CCDC69: variants seen among roughly 807,000 people sequenced by gnomAD.
The protein encoded by CCDC69 is coiled-coil domain-containing protein 69.
A neutral mutation model predicts 40.3 loss-of-function variants in CCDC69; 38 were observed. The ratio of observed to expected loss-of-function variants is 0.94; its 90% CI spans 0.73 to 1.24. The LOEUF is 1.24. CCDC69 is among the 50% of genes most tolerant of loss of function. The pLI, the probability that CCDC69 is intolerant of heterozygous loss-of-function variation, is 0.00. For missense variants in CCDC69, 389 were observed against 357.9 expected (o/e 1.09, Z -0.70); for synonymous variants, 141 against 138.9 (o/e 1.02, Z -0.11).
chr5:151,206,734 G>C (rs1401730208), intron 1 of CCDC69, among the ~76,000 whole-genome samples: 3 of 151,620 alleles, frequency 2.0e-5, no homozygotes, highest in African/African-American at 7.3e-5. Flanking sequence ...GGGTTCAAGT[G>C]ATTCTCCTGC....
At chr5:151,199,550 A>C (rs1582044216) in intron 3 of CCDC69, among the ~76,000 whole-genome samples, 1 of 151,352 alleles carries the variant, frequency 6.6e-6, no homozygotes, top group African/African-American at 2.4e-5. Flanking sequence ...CCCAGGCTGA[A>C]CCCTCCCAGC....
intron 8 of CCDC69, 74 bp from the exon 9 acceptor site, chr5:151,183,688 A>C: frequency 7.2e-7 from 1 of 1,386,812 alleles, no homozygotes; most frequent in South Asian, 1.4e-5. Flanking sequence ...TCCCCCAGGA[A>C]GCCTTCCTTA....
rs746721762 is a variant in CCDC69, at chr5:151,186,026, GA to G, written c.491del (p.Ile164ThrfsTer24). 2.5e-6 allele frequency: 4 copies of G among 1,612,304 alleles called. No individual in the cohort carries two copies. The highest frequency in any genetic ancestry group is 3.4e-6 in the Non-Finnish European group (4 of 1,178,428). ...SILSRNYKKH[I>X]QDYGSPSQFW... ...CGCCCAGGGTGCTGCCACCTACCTG[GA>G]TATGTTTCTTATAGTTTCGGCTCAG... is the stretch of plus-strand genomic sequence containing the variant. On this transcript the variant is annotated frameshift_variant, in exon 6 of 9. Transcript: ENST00000355417. LOFTEE classifies it high-confidence loss of function.
chr5:151,217,264 C>G (rs965080088), intron 1 of CCDC69, among the ~76,000 whole-genome samples: 4 of 152,192 alleles, frequency 2.6e-5, no homozygotes, highest in African/African-American at 9.7e-5. Flanking sequence ...CTTTCCTCTA[C>G]AGATGCAGCT....
chr5:151,193,410 G>A (rs1000618129), intron 4 of CCDC69, among the ~76,000 whole-genome samples: 1 of 151,834 alleles, frequency 6.6e-6, no homozygotes, highest in African/African-American at 2.4e-5. Context: ...CAACTACTTG[G>A]GAGGCTGTAG....
chr5:151,211,774 T>G (rs1752954337), intron 1 of CCDC69, among the ~76,000 whole-genome samples: 1 of 152,084 alleles, frequency 6.6e-6, no homozygotes, highest in South Asian at 2.1e-4. Context: ...TCCACCCACC[T>G]CAGCCTCCCA....
intron 8 of CCDC69, 114 bp downstream of exon 8, chr5:151,184,230 T>C (rs962391745): frequency 2.7e-6 from 2 of 747,590 alleles, no homozygotes; most frequent in Non-Finnish European, 4.6e-6. Flanking sequence ...ATTCCCTAAA[T>C]AGGCCCTGGG....
At chr5:151,202,053 TTTTTTAAAAAATTAG>T (rs1375908651) in intron 2 of CCDC69, among the ~76,000 whole-genome samples, 2 of 152,098 alleles carry the variant, frequency 1.3e-5, no homozygotes, top group African/African-American at 4.8e-5. Flanking sequence ...TTCTACCCCA[TTTTTTAAAAAATTAG>T]TCGCTGGCCA....
At chr5:151,189,325 A>G (rs1370251908) in intron 4 of CCDC69, among the ~76,000 whole-genome samples, 1 of 152,116 alleles carries the variant, frequency 6.6e-6, no homozygotes, top group Non-Finnish European at 1.5e-5. Context: ...AGAACTAAAA[A>G]GTATAATAAG....
intron 1 of CCDC69, among the ~76,000 whole-genome samples, chr5:151,210,276 G>A (rs1752915049): frequency 6.6e-6 from 1 of 152,196 alleles, no homozygotes; most frequent in Admixed American, 6.5e-5. Context: ...AGGTGCGGTG[G>A]CTCATGCCTA....
chr5:151,183,181 A>G lies in CCDC69; in HGVS notation c.*256T>C. 1 of 634,942 alleles carries G rather than the reference A, an allele frequency of 1.6e-6. No homozygotes were observed. The highest frequency in any genetic ancestry group is 1.5e-5 in the South Asian group (1 of 66,134). The allele number at this position is 634,942 out of a possible 1,614,324, so 39.3% of individuals were successfully genotyped here. On this transcript the variant is annotated 3_prime_UTR_variant, in exon 9 of 9. Coordinates refer to ENST00000355417, the MANE Select transcript of CCDC69 (RefSeq NM_015621.3). ...TCGGATTGGGACAGAGTGCTGGGGC[A>G]GGGAGGAAATGTCTCCTCTTGCTTA...
intron 3 of CCDC69, 26 bp from the exon 4 acceptor site, chr5:151,199,110 A>C (rs775585576): frequency 1.3e-6 from 2 of 1,585,344 alleles, no homozygotes; most frequent in Non-Finnish European, 1.7e-6. Flanking sequence ...CCCGGGCAGG[A>C]CTGAGATTGA....
At chr5:151,184,213 G>A in intron 8 of CCDC69, 131 bp downstream of exon 8, 1 of 670,572 alleles carries the variant, frequency 1.5e-6, no homozygotes, top group East Asian at 2.6e-5. Flanking sequence ...AGGGAAAGAG[G>A]AGCCACATTC....
intron 1 of CCDC69, among the ~76,000 whole-genome samples, chr5:151,216,084 C>T (rs557792978): frequency 1.3e-5 from 2 of 152,012 alleles, no homozygotes; most frequent in African/African-American, 4.8e-5. Flanking sequence ...TCAGCCTCCC[C>T]AGTAACTGGG....
intron 3 of CCDC69, among the ~76,000 whole-genome samples, chr5:151,199,330 G>T (rs115962007): frequency 0.012 from 1,786 of 152,224 alleles, 35 homozygotes; most frequent in African/African-American, 0.042. Context: ...GGATTTAGGA[G>T]TATTCTAATC....
At chr5:151,198,771 C>G (rs74686477) in intron 4 of CCDC69, 8,192 of 435,042 alleles carry the variant, frequency 0.019, 201 homozygotes, top group African/African-American at 0.078. Context: ...AAAAAAATAC[C>G]TCTCAAATAA....
intron 4 of CCDC69, among the ~76,000 whole-genome samples, chr5:151,189,149 G>A (rs1752568526): frequency 6.6e-6 from 1 of 152,156 alleles, no homozygotes; most frequent in African/African-American, 2.4e-5. Context: ...AGTTTTTATG[G>A]TAATCAATGT....
chr5:151,187,100 G>T (rs1752531757), intron 5 of CCDC69, among the ~76,000 whole-genome samples: 1 of 152,116 alleles, frequency 6.6e-6, no homozygotes, highest in Non-Finnish European at 1.5e-5. Flanking sequence ...AGGTCCCTGT[G>T]CATCCACCCA....
intron 3 of CCDC69, among the ~76,000 whole-genome samples, chr5:151,200,424 T>C (rs1303396939): frequency 6.6e-6 from 1 of 152,172 alleles, no homozygotes; most frequent in African/African-American, 2.4e-5. Context: ...TAGGCATGCC[T>C]GGCCCAGATC....
Sources: allele counts gnomAD v4.1 joint callset (sites outside exome capture counted in the v4.1 genomes callset), GRCh38; gene constraint gnomAD v4.1.1; transcripts MANE v1.5; gene names NCBI Gene and HGNC (gene_info 2026-07-23, HGNC 2026-07-21).